VCL: variants seen among roughly 807,000 people sequenced by gnomAD.
The protein encoded by VCL is epididymis luminal protein 114.
In VCL, 47 loss-of-function variants were observed where a neutral mutation model predicts 125.7. The observed-to-expected ratio is 0.37, with a 90% CI of 0.30 to 0.48. VCL has a LOEUF of 0.48. Ranked by LOEUF, VCL falls within the 20% of genes least tolerant of loss-of-function variation. The probability of loss-of-function intolerance (pLI) is 0.99; values close to 1 mark genes in which losing one functional copy is unlikely to be tolerated. For synonymous variants in VCL, 458 were observed against 514.6 expected (o/e 0.89, Z 1.49); for missense variants, 1,069 against 1,455.5 (o/e 0.73, Z 4.32).
At chr10:74,059,699 C>G (rs1458275072) in intron 2 of VCL, among the ~76,000 whole-genome samples, 1 of 152,174 alleles carries the variant, frequency 6.6e-6, no homozygotes, top group East Asian at 1.9e-4. Context: ...GCCACCGCGT[C>G]CAGCCTGCTG....
chr10:74,089,450 T>C, intron 9 of VCL, 101 bp downstream of exon 9: 1 of 1,551,972 alleles, frequency 6.4e-7, no homozygotes, highest in East Asian at 2.3e-5. Context: ...TTTACTGTGG[T>C]TGGATAATGG....
At chr10:74,020,454 A>T (rs1840639246) in intron 1 of VCL, among the ~76,000 whole-genome samples, 1 of 152,216 alleles carries the variant, frequency 6.6e-6, no homozygotes, top group African/African-American at 2.4e-5. Flanking sequence ...AGGATGGCGC[A>T]TAAGGAAAGG....
intron 6 of VCL, among the ~76,000 whole-genome samples, chr10:74,078,156 C>G (rs1330312202): frequency 2.0e-5 from 3 of 152,058 alleles, no homozygotes; most frequent in Non-Finnish European, 4.4e-5. Flanking sequence ...AATTTCACTG[C>G]TAAGACTTTG....
chr10:74,070,360 G>A (rs192902694), intron 2 of VCL, among the ~76,000 whole-genome samples: 3 of 152,144 alleles, frequency 2.0e-5, no homozygotes, highest in Non-Finnish European at 2.9e-5. Flanking sequence ...ATGTTTTCTC[G>A]TCATTTTTTG....
rs1399046039 is a variant in VCL, at chr10:74,093,635, T to C, written c.1353-636T>C. Among the ~76,000 whole-genome samples, 3 of 148,110 alleles carry C rather than the reference T, an allele frequency of 2.0e-5. No homozygotes were observed. The East Asian group carries it at 5.8e-4, about 29-fold the overall frequency. On this transcript the variant is annotated intron_variant, in intron 10 of 21. Coordinates refer to ENST00000211998, the MANE Select transcript of VCL (RefSeq NM_014000.3). ...GAGAATGTTTCCTATCTCCACGAAA[T>C]ATTTTTTTTTTTAATTAGCCAGGTG...
intron 1 of VCL, among the ~76,000 whole-genome samples, chr10:74,008,296 A>G (rs1840356431): frequency 6.6e-6 from 1 of 152,188 alleles, no homozygotes; most frequent in Non-Finnish European, 1.5e-5. Context: ...AAGAGGAATG[A>G]ATGGCTAACT....
At chr10:74,015,993 T>G (rs1840530619) in intron 1 of VCL, among the ~76,000 whole-genome samples, 1 of 151,992 alleles carries the variant, frequency 6.6e-6, no homozygotes, top group Non-Finnish European at 1.5e-5. Context: ...CCTTTTTTCT[T>G]TTTATTTATT....
chr10:74,101,239 A>G, intron 14 of VCL, 142 bp downstream of exon 14: 1 of 1,246,614 alleles, frequency 8.0e-7, no homozygotes, highest in Non-Finnish European at 1.1e-6. Flanking sequence ...TAATTCCGGC[A>G]CTTTGGGAGG....
At chr10:74,107,090 C>T (rs572269291) in intron 16 of VCL, 140 bp from the exon 17 acceptor site, 1 of 1,381,224 alleles carries the variant, frequency 7.2e-7, no homozygotes, top group Admixed American at 1.9e-5. Flanking sequence ...CCTGCCTCCC[C>T]CCTTCTTCAA....
intron 1 of VCL, among the ~76,000 whole-genome samples, chr10:74,021,062 A>T (rs1379923931): frequency 1.3e-5 from 2 of 151,990 alleles, no homozygotes; most frequent in East Asian, 3.9e-4. Context: ...TAAGTTCCGT[A>T]TTTCCCCTCC....
intron 9 of VCL, among the ~76,000 whole-genome samples, chr10:74,089,686 T>C (rs1839846190): frequency 6.6e-6 from 1 of 152,224 alleles, no homozygotes; most frequent in Non-Finnish European, 1.5e-5. Context: ...GTTTAGGGGT[T>C]AAAGTTTTCC....
At chr10:74,016,121 A>C (rs1287195707) in intron 1 of VCL, among the ~76,000 whole-genome samples, 2 of 151,902 alleles carry the variant, frequency 1.3e-5, no homozygotes, top group African/African-American at 4.8e-5. Context: ...ATGAGCCACC[A>C]CATCCAGCCT....
chr10:74,094,772 A>C (rs1259988186), intron 11 of VCL, among the ~76,000 whole-genome samples: 1 of 152,084 alleles, frequency 6.6e-6, no homozygotes, highest in African/African-American at 2.4e-5. Flanking sequence ...TAAAAGAGTA[A>C]AGAATTGGCT....
Position 74,105,061 on chromosome 10 carries a change from C to T in VCL, c.2142C>T (p.Asp714=), listed in dbSNP as rs373790383. 1.3e-4 allele frequency: 212 copies of T among 1,613,956 alleles called. No homozygotes were observed. Among genetic ancestry groups the T allele is most frequent in the Admixed American group, 2.2e-4 (13 of 59,998 alleles). The change falls in exon 16 of 22, where the codon GAC becomes GAT. Residue 714 remains aspartate (D), a synonymous_variant. Transcript: ENST00000211998. ...DNVEKMTGLV[D]EAIDTKSLLD... The stretch of plus-strand genomic sequence containing the variant: ...CTGTTTTCCTAACAGGGCTGGTGGA[C>T]GAAGCCATTGATACCAAATCTCTGT...
At chr10:74,001,491 C>T (rs2136220533) in intron 1 of VCL, among the ~76,000 whole-genome samples, 1 of 152,134 alleles carries the variant, frequency 6.6e-6, no homozygotes, top group South Asian at 2.1e-4. Context: ...GTCCTCAGTT[C>T]CTGCCCTCAA....
At chr10:74,085,344 T>TA (rs2131902759) in intron 8 of VCL, among the ~76,000 whole-genome samples, 1 of 152,324 alleles carries the variant, frequency 6.6e-6, no homozygotes, top group African/African-American at 2.4e-5. Flanking sequence ...AAATACATTT[T>TA]ACGGAGGATG....
intron 1 of VCL, among the ~76,000 whole-genome samples, chr10:74,010,052 G>A (rs1342091395): frequency 1.3e-5 from 2 of 151,986 alleles, no homozygotes; most frequent in Non-Finnish European, 1.5e-5. Flanking sequence ...AGCCTCCCAA[G>A]TAGCCGAGAT....
chr10:74,009,478 C>G (rs528796726), intron 1 of VCL, among the ~76,000 whole-genome samples: 1 of 151,878 alleles, frequency 6.6e-6, no homozygotes, highest in Non-Finnish European at 1.5e-5. Context: ...CCAGGATGGT[C>G]TCGATCTGCT....
At chr10:74,117,323 G>T (rs1168368249) in intron 21 of VCL, among the ~76,000 whole-genome samples, 1 of 152,104 alleles carries the variant, frequency 6.6e-6, no homozygotes, top group South Asian at 2.1e-4. Flanking sequence ...GGTAAAATAC[G>T]TAGTGTATCA....
Sources: allele counts gnomAD v4.1 joint callset (sites outside exome capture counted in the v4.1 genomes callset), GRCh38; gene constraint gnomAD v4.1.1; transcripts MANE v1.5; gene names NCBI Gene and HGNC (gene_info 2026-07-23, HGNC 2026-07-21).